The following PFAS variants were observed in gnomAD, a reference collection of about 807,000 sequenced individuals.
PFAS encodes the protein phosphoribosylformylglycinamidine synthase.
A neutral mutation model predicts 140.6 loss-of-function variants in PFAS; 97 were observed. That is an observed-to-expected ratio of 0.69 (90% CI 0.59 to 0.82). PFAS has a LOEUF of 0.82. Among genes scored for constraint, PFAS ranks in the 40% least tolerant of loss-of-function variants. PFAS has a pLI of 0.00. For synonymous variants in PFAS, 679 were observed against 718.8 expected (o/e 0.94, Z 0.88); for missense variants, 1,656 against 1,780.2 (o/e 0.93, Z 1.26).
At chr17:8,252,669 T>G (rs1989204074) in intron 1 of PFAS, among the ~76,000 whole-genome samples, 1 of 152,104 alleles carries the variant, frequency 6.6e-6, no homozygotes. Flanking sequence ...CAGGCTGGAG[T>G]GCAGCGGCTT....
At chr17:8,264,649 G>C in intron 17 of PFAS, 48 bp downstream of exon 17, 1 of 1,537,610 alleles carries the variant, frequency 6.5e-7, no homozygotes, top group South Asian at 1.2e-5. Context: ...CCTCCGCTCA[G>C]CCTCTTCTGC....
Position 8,265,867 on chromosome 17 carries a change from C to T in PFAS, c.2551C>T (p.Leu851=), listed in dbSNP as rs1483568219. 1.2e-6 allele frequency: 2 copies of T among 1,601,442 alleles called. No homozygotes were observed. Among genetic ancestry groups the T allele is most frequent in the Admixed American group, 1.7e-5 (1 of 59,156 alleles). Residue 851 remains leucine, a synonymous_variant, in exon 21 of 28, where the codon CTG becomes TTG. Coordinates refer to ENST00000314666, the MANE Select transcript of PFAS (RefSeq NM_012393.3). The part of the protein sequence containing the change: ...DLKHPEGRGH[L]LYVALSPGQH... ...ACCCCTCCCCGTCTCCCCAGGCCAT[C>T]TGCTCTATGTGGCTCTGAGCCCTGG...
In PFAS at chr17:8,257,906, A is replaced by G; in HGVS notation, c.1175A>G (p.Tyr392Cys). ...GAAGCCAGTAATGGAGCTTCTGACT[A>G]TGGCAACAAGTTTGGGGAACCAGTG... is the stretch of plus-strand genomic sequence containing the variant. ...AIEASNGASD[Y>C]GNKFGEPVLA... Residue 392 changes from tyrosine (Y) to cysteine (C), a missense_variant, in exon 10 of 28, where the codon TAT becomes TGT. Coordinates refer to ENST00000314666, the MANE Select transcript of PFAS (RefSeq NM_012393.3). 2.5e-6 allele frequency: 4 copies of G among 1,614,146 alleles called. No homozygotes were observed. Among genetic ancestry groups the G allele is most frequent in the South Asian group, 1.1e-5 (1 of 91,084 alleles).
chr17:8,256,095 A>G (rs952526490), intron 6 of PFAS, among the ~76,000 whole-genome samples, 172 bp from the exon 7 acceptor site: 3 of 152,204 alleles, frequency 2.0e-5, no homozygotes, highest in Non-Finnish European at 2.9e-5. Flanking sequence ...GGCTCTGGAT[A>G]GTCCAAAATG....
chr17:8,256,525 G>C lies in PFAS; in HGVS notation c.823G>C (p.Ala275Pro). 1 of 1,614,118 alleles carries C rather than the reference G, an allele frequency of 6.2e-7. No homozygotes were observed. The highest frequency in any genetic ancestry group is 8.5e-7 in the Non-Finnish European group (1 of 1,180,020). Residue 275 changes from alanine to proline, a missense_variant and splice_region_variant, in exon 8 of 28, where the codon GCA (alanine) becomes CCA (proline). Physicochemically the swap from Ala to Pro is conservative, Grantham distance 27. Around this residue, in one of 2 missense-constraint regions of PFAS, gnomAD observed 773 missense variants for 757.3 expected, o/e 1.02. Transcript: ENST00000314666. Reference protein sequence around the residue: ...NVLKFCDNSSAIQGKEVRFLR... With the variant: ...NVLKFCDNSSPIQGKEVRFLR... Reference sequence around the variant, plus strand: ...GGTCCATGACGGGTATGTCCACAGTGCAATCCAGGGAAAGGAAGTCCGATT... The same window carrying C: ...GGTCCATGACGGGTATGTCCACAGTCCAATCCAGGGAAAGGAAGTCCGATT...
At chr17:8,260,711 G>A (rs570496760) in intron 11 of PFAS, among the ~76,000 whole-genome samples, 5 of 152,256 alleles carry the variant, frequency 3.3e-5, no homozygotes, top group Admixed American at 6.5e-5. Context: ...TGCAAGCCCC[G>A]CCTCCCGGGT....
intron 1 of PFAS, among the ~76,000 whole-genome samples, chr17:8,249,894 A>T (rs1287696420): frequency 6.6e-6 from 1 of 152,200 alleles, no homozygotes. Flanking sequence ...GCAACATCCC[A>T]TGCCCACGTA....
intron 1 of PFAS, among the ~76,000 whole-genome samples, chr17:8,250,242 A>G (rs973076548): frequency 2.0e-5 from 3 of 152,244 alleles, no homozygotes; most frequent in East Asian, 1.9e-4. Context: ...TTGGTAAACC[A>G]GGATGCTGAG....
chr17:8,263,658 G>A, intron 14 of PFAS, 22 bp downstream of exon 14: 1 of 1,612,482 alleles, frequency 6.2e-7, no homozygotes, highest in South Asian at 1.1e-5. Context: ...CCCCTGAAGT[G>A]TGACATTTTC....
Position 8,258,136 on chromosome 17 carries a change from A to G in PFAS, c.1273A>G (p.Met425Val). Residue 425 changes from methionine to valine, a missense_variant, in exon 11 of 28, where the codon ATG becomes GTG. Met to Val is a conservative substitution (Grantham distance 21). Transcript: ENST00000314666. The stretch of plus-strand genomic sequence containing the variant: ...GCGGCGTGAGTGGATCAAGCCCATC[A>G]TGTTTAGTGGGGGCATTGGGTCCAT... ...GQRREWIKPI[M>V]FSGGIGSMEA... 1 of 1,614,122 alleles carries G rather than the reference A, an allele frequency of 6.2e-7. No homozygotes were observed.
rs375956806 is a variant in PFAS, at chr17:8,263,767, C to T, written c.1630-8C>T. The T allele has an allele frequency of 1.9e-6, 3 of 1,612,814 alleles. No homozygotes were observed. The highest frequency in any genetic ancestry group is 2.5e-6 in the Non-Finnish European group (3 of 1,178,970). On this transcript the variant is annotated splice_region_variant and splice_polypyrimidine_tract_variant and intron_variant, in intron 14 of 27. Transcript: ENST00000314666. Reference sequence around the variant, plus strand: ...CCCTTCTCTTTCCTCCCCGCCGTGGCTGTGCAGCTTGGGGACCCAACCCTG... The same window carrying T: ...CCCTTCTCTTTCCTCCCCGCCGTGGTTGTGCAGCTTGGGGACCCAACCCTG...
In PFAS at chr17:8,266,046, C is replaced by T; in HGVS notation, c.2701+29C>T. ...AGTGAAGACCCCTGGGGAGATAGCGCACAGGGTGCCAGGCGTGCAGCAGGC... is the reference window on the plus strand; with the variant it reads ...AGTGAAGACCCCTGGGGAGATAGCGTACAGGGTGCCAGGCGTGCAGCAGGC... On this transcript the variant is annotated intron_variant, in intron 21 of 27. Transcript: ENST00000314666. This position sits in a 1 kb window ranked among gnomAD's most constrained non-coding sequence, Gnocchi z 5.0. 6.3e-7 allele frequency: 1 copy of T among 1,575,694 alleles called. No individual in the cohort carries two copies.
Position 8,256,607 on chromosome 17 carries a change from G to C in PFAS, c.905G>C (p.Arg302Thr). 6.2e-7 allele frequency: 1 copy of C among 1,614,210 alleles called. No homozygotes were observed. The highest frequency in any genetic ancestry group is 8.5e-7 in the Non-Finnish European group (1 of 1,180,042). ...CGCTTCCAGCAACAGCAAGGGCTGA[G>C]ACATGTTGTCTTCACAGCAGAGACT... Reference protein sequence around the residue: ...PSRFQQQQGLRHVVFTAETHN... With the variant: ...PSRFQQQQGLTHVVFTAETHN... Residue 302 changes from arginine to threonine, a missense_variant, in exon 8 of 28, where the codon AGA becomes ACA. By Grantham distance (71) the Arg-to-Thr change is moderately conservative. Around this residue, in one of 2 missense-constraint regions of PFAS, gnomAD observed 773 missense variants for 757.3 expected, o/e 1.02. Transcript: ENST00000314666.
rs200250657 is a variant in PFAS, at chr17:8,266,037, G to A, written c.2701+20G>A. ...TGAAAGGTGAGTGAAGACCCCTGGG[G>A]AGATAGCGCACAGGGTGCCAGGCGT... On this transcript the variant is annotated intron_variant, in intron 21 of 27. Coordinates refer to ENST00000314666, the MANE Select transcript of PFAS (RefSeq NM_012393.3). The surrounding 1 kb of genome is among the most constrained non-coding windows in gnomAD (Gnocchi z 5.0). 59 of 1,586,180 alleles carry A rather than the reference G, an allele frequency of 3.7e-5. 1 individual carries two copies. The Admixed American group carries it at 1.0e-3, about 27-fold the overall frequency.
Position 8,254,014 on chromosome 17 carries a change from T to C in PFAS, c.77T>C (p.Leu26Pro), listed in dbSNP as rs767415963. 15 of 1,613,980 alleles carry C rather than the reference T, an allele frequency of 9.3e-6. No homozygotes were observed. The South Asian group carries it at 1.3e-4, about 14-fold the overall frequency. ...GAAPGHTRRK[L>P]QGKLPELQGV... is the part of the protein sequence containing the mutation. The stretch of plus-strand genomic sequence containing the variant: ...GCCCCTGGACACACTCGGAGGAAAC[T>C]GCAAGGGAAACTGCCAGAGCTGCAG... Residue 26 changes from leucine to proline, a missense_variant, in exon 2 of 28, where the codon CTG becomes CCG. Physicochemically the swap from Leu to Pro is moderately conservative, Grantham distance 98 (BLOSUM62 -3). This residue lies in a region of PFAS where 773 missense variants were observed against 757.3 expected (regional missense o/e 1.02). Transcript: ENST00000314666.
chr17:8,254,195 A>G lies in PFAS; in HGVS notation c.172A>G (p.Lys58Glu), dbSNP rs1989268024. The G allele has an allele frequency of 1.2e-6, 2 of 1,614,102 alleles. No homozygotes were observed. Among genetic ancestry groups the G allele is most frequent in the South Asian group, 2.2e-5 (2 of 91,078 alleles). Residue 58 changes from lysine to glutamate, a missense_variant, in exon 3 of 28, where the codon AAG (lysine) becomes GAG (glutamate). Physicochemically the swap from Lys to Glu is moderately conservative, Grantham distance 56 (BLOSUM62 1). Around this residue, in one of 2 missense-constraint regions of PFAS, gnomAD observed 773 missense variants for 757.3 expected, o/e 1.02. Transcript: ENST00000314666. ...GGCCCTCCCCAGTGCTGAGGAGACA[A>G]AGAAGCTGATGTGGCTGTTTGGTTG... ...AEALPSAEETKKLMWLFGCPL... is the reference protein window; with the variant it reads ...AEALPSAEETEKLMWLFGCPL...
intron 11 of PFAS, among the ~76,000 whole-genome samples, chr17:8,261,703 C>T (rs1190075819): frequency 3.3e-5 from 5 of 151,944 alleles, no homozygotes; most frequent in African/African-American, 4.8e-5. Context: ...CTCCATCTTC[C>T]GGGCTCAGGC....
At chr17:8,248,795 G>A (rs1988995267), upstream of PFAS, among the ~76,000 whole-genome samples, 1 of 152,162 alleles carries the variant, frequency 6.6e-6, no homozygotes, top group Non-Finnish European at 1.5e-5. Flanking sequence ...CTGGGCTCAA[G>A]CGATCTGCCC....
intron 6 of PFAS, 143 bp from the exon 7 acceptor site, chr17:8,256,124 A>G: frequency 1.1e-6 from 1 of 913,396 alleles, no homozygotes; most frequent in South Asian, 1.7e-5. Flanking sequence ...CTTGAAGATT[A>G]TGACTTTTTG....
Sources: gnomAD v4.1 joint callset for allele counts (sites outside exome capture counted in the v4.1 genomes callset) on GRCh38, gnomAD v4.1.1 for gene constraint, gnomAD v4.1.1 regional missense constraint, Gnocchi (gnomAD v3.1) non-coding constraint, MANE v1.5 for transcripts, NCBI Gene and HGNC (gene_info 2026-07-23, HGNC 2026-07-21) for gene names.